The following TACC2 variants were observed in gnomAD, a reference collection of about 807,000 sequenced individuals.
The protein encoded by TACC2 is transforming acidic coiled-coil-containing protein 2.
A neutral mutation model predicts 227.3 loss-of-function variants in TACC2; 137 were observed. The ratio of observed to expected loss-of-function variants is 0.60; its 90% CI spans 0.52 to 0.69. The LOEUF (loss-of-function observed/expected upper bound fraction) is 0.69, where lower values mean the gene tolerates loss of function less well. Ranked by LOEUF, TACC2 falls within the 30% of genes least tolerant of loss-of-function variation. The probability of loss-of-function intolerance (pLI) is 0.00; values close to 1 mark genes in which losing one functional copy is unlikely to be tolerated. For missense variants in TACC2, 3,470 were observed against 3,694.4 expected (o/e 0.94, Z 1.57); for synonymous variants, 1,523 against 1,487.5 (o/e 1.02, Z -0.55).
chr10:122,021,164 AGT>A (rs538823568), intron 1 of TACC2, among the ~76,000 whole-genome samples: 5 of 149,000 alleles, frequency 3.4e-5, no homozygotes, highest in African/African-American at 1.2e-4. Flanking sequence ...AGGAGGTGGA[AGT>A]TGCAGTGAGT....
intron 16 of TACC2, among the ~76,000 whole-genome samples, chr10:122,234,101 C>G (rs2095812261): frequency 6.6e-6 from 1 of 152,226 alleles, no homozygotes; most frequent in Admixed American, 6.5e-5. Flanking sequence ...CTCTCCCAGC[C>G]TCGGATGGCA....
intron 7 of TACC2, among the ~76,000 whole-genome samples, chr10:122,171,635 C>G (rs544923225): frequency 6.6e-6 from 1 of 152,320 alleles, no homozygotes; most frequent in African/African-American, 2.4e-5. Context: ...AGTCATTATT[C>G]AAAATAAGTC....
At chr10:122,173,826 T>C (rs1436179783) in intron 7 of TACC2, among the ~76,000 whole-genome samples, 1 of 152,222 alleles carries the variant, frequency 6.6e-6, no homozygotes, top group African/African-American at 2.4e-5. Context: ...CTGAGCCTGC[T>C]ATGGAGCACA....
chr10:122,216,849 C>T, intron 11 of TACC2, 21 bp downstream of exon 11: 2 of 1,614,164 alleles, frequency 1.2e-6, no homozygotes, highest in Non-Finnish European at 1.7e-6. Context: ...CTGTAGCCAG[C>T]TGGACCCCCA....
intron 7 of TACC2, among the ~76,000 whole-genome samples, chr10:122,156,582 C>T (rs951412981): frequency 2.6e-5 from 4 of 152,324 alleles, no homozygotes; most frequent in East Asian, 3.9e-4. Flanking sequence ...TTCATCTTCA[C>T]GTTCTCTCTT....
intron 3 of TACC2, among the ~76,000 whole-genome samples, chr10:122,057,203 AAAAAT>A (rs1217870671): frequency 2.0e-5 from 3 of 152,286 alleles, no homozygotes; most frequent in African/African-American, 7.2e-5. Context: ...AACATAAAAT[AAAAAT>A]AAAATAAAAT....
intron 1 of TACC2, among the ~76,000 whole-genome samples, chr10:122,008,264 A>ATTATTATTTTTTTTTTT: frequency 2.2e-5 from 3 of 134,652 alleles, no homozygotes; most frequent in African/African-American, 8.4e-5. Context: ...TATTATTATT[A>ATTATTATTTTTTTTTTT]TTTTTTTTTT....
intron 6 of TACC2, among the ~76,000 whole-genome samples, chr10:122,140,656 G>T (rs1360522702): frequency 6.6e-6 from 1 of 152,240 alleles, no homozygotes; most frequent in African/African-American, 2.4e-5. Flanking sequence ...CCTGGGATTG[G>T]TCCTGGGCAT....
At position 122,155,833 on chromosome 10, in the gene TACC2, A is replaced by ATTT. The variant is rs66559186; in HGVS notation, c.5834+12147_5834+12149dup. Among the ~76,000 whole-genome samples, 510 of 118,160 alleles carry ATTT rather than the reference A, an allele frequency of 4.3e-3. 3 individuals are homozygous for ATTT. The highest frequency in any genetic ancestry group is 5.5e-3 in the Non-Finnish European group (328 of 60,148). The allele number at this position is 118,160 out of a possible 152,430, so 77.5% of individuals were successfully genotyped here. A position where few individuals can be genotyped will look rare whatever the true frequency, so the allele number is the denominator to read the frequency against. The stretch of plus-strand genomic sequence containing the variant: ...AAGTTTTATGGTTAATAGTGGGAAA[A>ATTT]TTTTTTTTTTTTTTTTTTTTTTGAG... On this transcript the variant is annotated intron_variant, in intron 7 of 22. Transcript: ENST00000369005.
intron 4 of TACC2, among the ~76,000 whole-genome samples, 179 bp from the exon 5 acceptor site, chr10:122,088,299 G>A (rs2080310267): frequency 6.6e-6 from 1 of 151,850 alleles, no homozygotes; most frequent in Non-Finnish European, 1.5e-5. Context: ...CTGGAGTCCA[G>A]ATACATCTGC....
intron 1 of TACC2, among the ~76,000 whole-genome samples, chr10:122,014,568 C>T (rs578244378): frequency 2.6e-5 from 4 of 152,276 alleles, no homozygotes; most frequent in Admixed American, 6.5e-5. Flanking sequence ...CCACCCCATG[C>T]TCAGTGTATA....
intron 16 of TACC2, among the ~76,000 whole-genome samples, chr10:122,236,626 TC>T (rs2095862251): frequency 6.6e-6 from 1 of 152,212 alleles, no homozygotes; most frequent in Admixed American, 6.5e-5. Flanking sequence ...GTATCTGTCC[TC>T]CACAAAAGGC....
intron 7 of TACC2, among the ~76,000 whole-genome samples, chr10:122,159,713 G>C (rs961853931): frequency 1.3e-5 from 2 of 152,170 alleles, no homozygotes; most frequent in African/African-American, 4.8e-5. Flanking sequence ...TGGTGGTGAA[G>C]ACCCAGGGCT....
intron 19 of TACC2, 81 bp downstream of exon 19, chr10:122,242,082 A>G (rs2096008947): frequency 7.5e-7 from 1 of 1,332,556 alleles, no homozygotes. Flanking sequence ...TAGGAGGCTC[A>G]GAGTGGGTTT....
chr10:122,251,739 C>G (rs1328007824), intron 22 of TACC2, among the ~76,000 whole-genome samples: 1 of 152,168 alleles, frequency 6.6e-6, no homozygotes, highest in Non-Finnish European at 1.5e-5. Context: ...AACCATACTT[C>G]ACAGTCATTT....
At position 122,211,680 on chromosome 10, in the gene TACC2, G is replaced by T. The variant is rs552066251; in HGVS notation, c.7255G>T (p.Ala2419Ser). Residue 2419 changes from alanine (A) to serine (S), a missense_variant, in exon 9 of 23, where the codon GCC becomes TCC. Transcript: ENST00000369005. ...GGACGGGGATGGGCTAAACAAGCCC[G>T]CCAAGAAGAAGAAGACGCCCCTAAA... ...GVDGDGLNKP[A>S]KKKKTPLKTD... is the part of the protein sequence containing the mutation. 2 of 1,565,596 alleles carry T rather than the reference G, an allele frequency of 1.3e-6. No individual in the cohort carries two copies. The highest frequency in any genetic ancestry group is 2.4e-5 in the South Asian group (2 of 82,456).
intron 7 of TACC2, among the ~76,000 whole-genome samples, chr10:122,162,776 A>G (rs2092900309): frequency 6.6e-6 from 1 of 152,164 alleles, no homozygotes; most frequent in African/African-American, 2.4e-5. Flanking sequence ...GGTGTCACGG[A>G]CATTCCTACA....
At chr10:122,115,080 C>T (rs1273778912) in intron 5 of TACC2, among the ~76,000 whole-genome samples, 1 of 152,210 alleles carries the variant, frequency 6.6e-6, no homozygotes, top group African/African-American at 2.4e-5. Flanking sequence ...CCAAGTCCTG[C>T]GGCCTCGTTG....
At chr10:122,240,819 C>T (rs1026650364) in intron 18 of TACC2, among the ~76,000 whole-genome samples, 6 of 152,298 alleles carry the variant, frequency 3.9e-5, no homozygotes, top group East Asian at 3.9e-4. Context: ...GGAGAAAGGA[C>T]GTCTTCACAC....
Sources: allele counts gnomAD v4.1 joint callset (sites outside exome capture counted in the v4.1 genomes callset), GRCh38; gene constraint gnomAD v4.1.1; transcripts MANE v1.5; gene names NCBI Gene and HGNC (gene_info 2026-07-23, HGNC 2026-07-21).